Variants in CELF2 observed in about 807,000 individuals in gnomAD.
CELF2 encodes CUG triplet repeat RNA-binding protein 2.
In CELF2, 8 loss-of-function variants were observed where a neutral mutation model predicts 62.6. The observed-to-expected ratio is 0.13, with a 90% CI of 0.07 to 0.23. CELF2 has a LOEUF of 0.23. Ranked by LOEUF, CELF2 falls within the 10% of genes least tolerant of loss-of-function variation. The pLI, the probability that CELF2 is intolerant of heterozygous loss-of-function variation, is 1.00. For synonymous variants in CELF2, 258 were observed against 250.0 expected, an observed-to-expected ratio of 1.03 and a Z score of -0.30; for missense variants, 333 against 671.0, an observed-to-expected ratio of 0.50 and a Z score of 5.56.
In CELF2 at chr10:11,046,596, G is replaced by A. The variant is rs2062891896; in HGVS notation, c.74+28433G>A. Among the ~76,000 whole-genome samples the A allele has an allele frequency of 6.6e-6, 1 of 152,102 alleles. No homozygotes were observed. The highest frequency in any genetic ancestry group is 6.5e-5 in the Admixed American group (1 of 15,274). ...GGCTTCTGTGGTCCCTGAAGTACGA[G>A]CTTTTTCATAGACTCCAAGGTTCTC... On this transcript the variant is annotated intron_variant, in intron 1 of 12. Transcript: ENST00000633077. The surrounding 1 kb of genome is among the most constrained non-coding windows in gnomAD (Gnocchi z 4.6).
the CELF2 span, among the ~76,000 whole-genome samples, chr10:10,591,070 A>G: frequency 1.3e-5 from 2 of 152,200 alleles, no homozygotes; most frequent in Non-Finnish European, 2.9e-5. Flanking sequence ...ATATACTCCT[A>G]TTACCATTGA....
chr10:10,659,143 A>G, the CELF2 span, among the ~76,000 whole-genome samples: 16 of 152,300 alleles, frequency 1.1e-4, no homozygotes, highest in Non-Finnish European at 2.2e-4. Context: ...AGCTACCTCA[A>G]GAGCCTGATA....
intron 1 of CELF2, among the ~76,000 whole-genome samples, chr10:11,147,493 GC>G (rs2062494097): frequency 6.6e-6 from 1 of 152,146 alleles, no homozygotes; most frequent in African/African-American, 2.4e-5. Context: ...AATATCGTGA[GC>G]CCCAGGAGCT....
chr10:10,539,597 G>A, the CELF2 span, among the ~76,000 whole-genome samples: 2 of 152,260 alleles, frequency 1.3e-5, no homozygotes, highest in South Asian at 4.1e-4. Context: ...TGATACTTGG[G>A]TTCTGAAGCC....
intron 2 of CELF2, among the ~76,000 whole-genome samples, chr10:10,968,960 C>T (rs2050458091): frequency 6.6e-6 from 1 of 152,114 alleles, no homozygotes; most frequent in Non-Finnish European, 1.5e-5. Flanking sequence ...AATGAAAATG[C>T]ACTATCTAGT....
chr10:10,571,844 C>T, the CELF2 span, among the ~76,000 whole-genome samples: 1 of 152,108 alleles, frequency 6.6e-6, no homozygotes, highest in Non-Finnish European at 1.5e-5. Flanking sequence ...TATCATTTCT[C>T]AGGATGAGAT....
At chr10:10,792,301 A>G in the CELF2 span, 7 of 397,602 alleles carry the variant, frequency 1.8e-5, no homozygotes, top group South Asian at 1.3e-4. Context: ...TCTGTGGTAC[A>G]TTCTAACTTT....
At chr10:11,245,080 CAG>C (rs1454476802) in intron 3 of CELF2, among the ~76,000 whole-genome samples, 2 of 152,210 alleles carry the variant, frequency 1.3e-5, no homozygotes, top group African/African-American at 4.8e-5. Flanking sequence ...CTGGTAAAAA[CAG>C]AAACACGTGA....
intron 8 of CELF2, among the ~76,000 whole-genome samples, chr10:11,284,544 G>GTGTGGTAAGT (rs1590658362): frequency 6.7e-6 from 1 of 148,920 alleles, no homozygotes; most frequent in East Asian, 2.0e-4. Flanking sequence ...AGGGATGAGT[G>GTGTGGTAAGT]GGAGCATGAT....
At chr10:10,500,883 C>T in the CELF2 span, among the ~76,000 whole-genome samples, 3 of 152,224 alleles carry the variant, frequency 2.0e-5, no homozygotes, top group Admixed American at 6.5e-5. Context: ...TTTATAAATG[C>T]AATCACATGA....
At chr10:10,859,018 T>C (rs1591275360) in intron 1 of CELF2, among the ~76,000 whole-genome samples, 2 of 152,292 alleles carry the variant, frequency 1.3e-5, no homozygotes, top group South Asian at 2.1e-4. Context: ...TAAGTAAATA[T>C]TTTTCTTTGA....
intron 1 of CELF2, among the ~76,000 whole-genome samples, chr10:11,031,926 A>G (rs2060175187): frequency 6.6e-6 from 1 of 152,080 alleles, no homozygotes. Flanking sequence ...TTACCCTTTT[A>G]GCGCTTCATT....
chr10:10,891,496 A>G (rs975823699), intron 1 of CELF2, among the ~76,000 whole-genome samples: 3 of 151,812 alleles, frequency 2.0e-5, no homozygotes, highest in Non-Finnish European at 4.4e-5. Flanking sequence ...GATACTTACA[A>G]ACGTTAGAGC....
chr10:10,963,860 C>T (rs2049827910), intron 2 of CELF2, among the ~76,000 whole-genome samples: 1 of 152,094 alleles, frequency 6.6e-6, no homozygotes, highest in African/African-American at 2.4e-5. Flanking sequence ...CAGCCCATTC[C>T]CATTCTAGTA....
chr10:11,057,195 A>G (rs1163212703), intron 1 of CELF2, among the ~76,000 whole-genome samples: 11 of 151,052 alleles, frequency 7.3e-5, no homozygotes, highest in Admixed American at 7.2e-4. Context: ...CCCGACTTCC[A>G]TGAGATGCAA....
At chr10:10,751,247 G>T in the CELF2 span, among the ~76,000 whole-genome samples, 1 of 152,196 alleles carries the variant, frequency 6.6e-6, no homozygotes, top group African/African-American at 2.4e-5. Flanking sequence ...TGAAAAATAA[G>T]TATCTCTGCC....
At chr10:11,037,561 T>C (rs919490575) in intron 1 of CELF2, among the ~76,000 whole-genome samples, 4 of 152,190 alleles carry the variant, frequency 2.6e-5, no homozygotes, top group Non-Finnish European at 5.9e-5. Context: ...GTCTATCTGC[T>C]TGGTGATGGG....
At chr10:10,849,841 T>TA (rs1242069566) in intron 1 of CELF2, among the ~76,000 whole-genome samples, 1 of 139,906 alleles carries the variant, frequency 7.1e-6, no homozygotes, top group African/African-American at 2.6e-5. Context: ...AGCAATTGCT[T>TA]TAAAAAAAAA....
At chr10:10,469,374 T>C in the CELF2 span, among the ~76,000 whole-genome samples, 1 of 151,924 alleles carries the variant, frequency 6.6e-6, no homozygotes, top group African/African-American at 2.4e-5. Flanking sequence ...TGAACATCCT[T>C]GACATGTTCC....
Sources: allele counts gnomAD v4.1 joint callset (sites outside exome capture counted in the v4.1 genomes callset), GRCh38; gene constraint gnomAD v4.1.1; non-coding constraint Gnocchi (gnomAD v3.1); transcripts MANE v1.5; gene names NCBI Gene and HGNC (gene_info 2026-07-23, HGNC 2026-07-21).